Variants in TMEM123 observed in about 807,000 individuals in gnomAD.
TMEM123 encodes transmembrane protein 123, also known as porimin.
A neutral mutation model predicts 19.7 loss-of-function variants in TMEM123; 16 were observed. That is an observed-to-expected ratio of 0.81 (90% CI 0.55 to 1.23). TMEM123 has a LOEUF of 1.23. Ranked by LOEUF, TMEM123 falls within the 50% of genes most tolerant of loss-of-function variation. The pLI is 0.00. For missense variants in TMEM123, 313 were observed against 257.8 expected, an observed-to-expected ratio of 1.21 and a Z score of -1.47; for synonymous variants, 118 against 99.4, an observed-to-expected ratio of 1.19 and a Z score of -1.12.
At position 102,401,999 on chromosome 11, in the gene TMEM123, G is replaced by A. The variant is rs1951917517; in HGVS notation, c.365C>T (p.Ser122Leu). 3 of 1,614,090 alleles carry A rather than the reference G, an allele frequency of 1.9e-6. No homozygotes were observed. Among genetic ancestry groups the A allele is most frequent in the African/African-American group, 1.3e-5 (1 of 74,940 alleles). Residue 122 changes from serine to leucine, a missense_variant, in exon 3 of 5, where the codon TCA becomes TTA. Coordinates refer to ENST00000398136, the MANE Select transcript of TMEM123 (RefSeq NM_052932.3). ...TGTTGATATCTGAGATGTGTTCTGT[G>A]AAACACTTGTTGTTTTGGGTGTAGA... ...LKSTPKTTSV[S>L]QNTSQISTST...
intron 4 of TMEM123, among the ~76,000 whole-genome samples, chr11:102,400,087 C>G (rs1951898246): frequency 1.3e-5 from 2 of 152,124 alleles, no homozygotes; most frequent in African/African-American, 4.8e-5. Context: ...TGTCAGTAAC[C>G]TGAAAATCTG....
At position 102,398,517 on chromosome 11, in the gene TMEM123, A is replaced by AT. The variant is rs554191805; in HGVS notation, c.*349dup. 479 of 422,398 alleles carry AT rather than the reference A, an allele frequency of 1.1e-3. 2 individuals are homozygous for AT. Among genetic ancestry groups the AT allele is most frequent in the African/African-American group, 9.3e-3 (453 of 48,862 alleles). 26.2% of individuals were successfully genotyped at this position (422,398 alleles called of 1,614,324 possible). A position where few individuals can be genotyped will look rare whatever the true frequency, so the allele number is the denominator to read the frequency against. On this transcript the variant is annotated 3_prime_UTR_variant, in exon 5 of 5. Transcript: ENST00000398136. ...GTGCTGTGACAAACTTCTTATTTGT[A>AT]TGCCCAGATGGCATTCTGTCTTTCA...
intron 2 of TMEM123, among the ~76,000 whole-genome samples, chr11:102,426,893 C>G (rs1325233423): frequency 1.7e-5 from 2 of 114,864 alleles, no homozygotes; most frequent in Non-Finnish European, 3.3e-5. Flanking sequence ...TCAAAATCCA[C>G]AACTGGCTAT....
intron 2 of TMEM123, among the ~76,000 whole-genome samples, chr11:102,414,839 C>T (rs1207867092): frequency 6.6e-6 from 1 of 152,158 alleles, no homozygotes; most frequent in Non-Finnish European, 1.5e-5. Context: ...ATCACATCCA[C>T]ACATATCAAT....
chr11:102,445,121 G>A (rs183150211), intron 2 of TMEM123, among the ~76,000 whole-genome samples: 9 of 152,242 alleles, frequency 5.9e-5, no homozygotes, highest in Non-Finnish European at 1.3e-4. Flanking sequence ...GTATACATAC[G>A]TAACAAATCT....
chr11:102,444,352 A>T (rs996350596), intron 2 of TMEM123, among the ~76,000 whole-genome samples: 3 of 152,176 alleles, frequency 2.0e-5, no homozygotes, highest in African/African-American at 7.2e-5. Flanking sequence ...ACATCATGGA[A>T]TACTATGCAG....
intron 4 of TMEM123, among the ~76,000 whole-genome samples, chr11:102,401,185 C>A (rs1288798829): frequency 6.6e-6 from 1 of 152,100 alleles, no homozygotes; most frequent in African/African-American, 2.4e-5. Context: ...TTTAGTACCA[C>A]AACAGACACA....
At chr11:102,399,851 T>G (rs1951895260) in intron 4 of TMEM123, among the ~76,000 whole-genome samples, 1 of 151,944 alleles carries the variant, frequency 6.6e-6, no homozygotes, top group Non-Finnish European at 1.5e-5. Context: ...GCACCTATAA[T>G]CCCAGCTACT....
At chr11:102,441,092 A>G (rs1248408631) in intron 2 of TMEM123, among the ~76,000 whole-genome samples, 1 of 152,154 alleles carries the variant, frequency 6.6e-6, no homozygotes, top group African/African-American at 2.4e-5. Context: ...CACAATAATA[A>G]TGGGAGACTT....
rs540718636 is a variant in TMEM123 at position 102,432,116 on chromosome 11, G to A, written c.157+16696C>T. 3.3e-5 allele frequency among the ~76,000 whole-genome samples: 5 copies of A among 152,288 alleles called. No homozygotes were observed. The South Asian group carries it at 1.0e-3, about 32-fold the overall frequency. On this transcript the variant is annotated intron_variant, in intron 2 of 4. Coordinates refer to ENST00000398136, the MANE Select transcript of TMEM123 (RefSeq NM_052932.3). ...TACTGGGAGTGGGGTGCTACTCTAA[G>A]GATAGCTGAAAATGTGGAAGCGACT...
chr11:102,406,141 G>A lies in TMEM123; in HGVS notation c.158-3935C>T, dbSNP rs570751274. ...AGAATGGACCATCCCTGTGGGACTT[G>A]CAAGGGGTGAAGCTTTATCTAAGTC... On this transcript the variant is annotated intron_variant, in intron 2 of 4. Transcript: ENST00000398136. Among the ~76,000 whole-genome samples, 164 of 152,138 alleles carry A rather than the reference G, an allele frequency of 1.1e-3. 1 individual carries two copies. The highest frequency in any genetic ancestry group is 2.0e-3 in the Non-Finnish European group (136 of 68,032).
rs932492798 is a variant in TMEM123, at chr11:102,412,244, C to T, written c.158-10038G>A. On this transcript the variant is annotated intron_variant, in intron 2 of 4. Transcript: ENST00000398136. ...TCAAGAGTTCAAGACCAGCCTGACC[C>T]AACATGGTGAAACCCTGTCTCTACT... Among the ~76,000 whole-genome samples, 21 of 152,116 alleles carry T rather than the reference C, an allele frequency of 1.4e-4. 1 individual carries two copies. The highest frequency in any genetic ancestry group is 5.1e-4 in the African/African-American group (21 of 41,424).
intron 2 of TMEM123, among the ~76,000 whole-genome samples, chr11:102,444,605 G>T (rs1356517859): frequency 6.6e-6 from 1 of 151,954 alleles, no homozygotes; most frequent in Non-Finnish European, 1.5e-5. Context: ...GAGTTGACGG[G>T]TGCAGCACAC....
intron 2 of TMEM123, among the ~76,000 whole-genome samples, chr11:102,434,774 G>A (rs1389878721): frequency 6.6e-6 from 1 of 151,812 alleles, no homozygotes; most frequent in Non-Finnish European, 1.5e-5. Flanking sequence ...CATGTGGTCT[G>A]ATATCAGGGT....
chr11:102,396,368 C>T lies in TMEM123; in HGVS notation c.*2499G>A, dbSNP rs1230483762. 2.6e-5 allele frequency: 4 copies of T among 152,066 alleles called. No homozygotes were observed. The highest frequency in any genetic ancestry group is 6.5e-5 in the Admixed American group (1 of 15,270). 9.4% of individuals were successfully genotyped at this position (152,066 alleles called of 1,614,324 possible). A position where few individuals can be genotyped will look rare whatever the true frequency, so the allele number is the denominator to read the frequency against. ...GAACAATTTTATTCTAAAAATAGAA[C>T]TTGGTAACAATGAAATACCAAAAGC... On this transcript the variant is annotated 3_prime_UTR_variant, in exon 5 of 5. Transcript: ENST00000398136.
At chr11:102,439,320 A>G (rs890945660) in intron 2 of TMEM123, among the ~76,000 whole-genome samples, 13 of 152,056 alleles carry the variant, frequency 8.5e-5, no homozygotes, top group Middle Eastern at 3.4e-3. Flanking sequence ...ACCCCCGAGA[A>G]GCCTAACTGG....
Position 102,402,214 on chromosome 11 carries a change from A to G in TMEM123, c.158-8T>C, listed in dbSNP as rs745847105. On this transcript the variant is annotated splice_region_variant and splice_polypyrimidine_tract_variant and intron_variant, in intron 2 of 4. Coordinates refer to ENST00000398136, the MANE Select transcript of TMEM123 (RefSeq NM_052932.3). ...GCACATGTTGGAGAGTCTCTGCAATAATATCAAGAAACATTAAAACCAGAG... is the reference window on the plus strand; with the variant it reads ...GCACATGTTGGAGAGTCTCTGCAATGATATCAAGAAACATTAAAACCAGAG... 2 of 1,609,918 alleles carry G rather than the reference A, an allele frequency of 1.2e-6. No individual in the cohort carries two copies. The highest frequency in any genetic ancestry group is 1.7e-6 in the Non-Finnish European group (2 of 1,177,326).
Position 102,402,047 on chromosome 11 carries a change from T to C in TMEM123, c.317A>G (p.Asn106Ser). ...AGACTTTAAGGTGGTAGAAGTCATA[T>C]TTGTTGAGACCATCCCTGGTGTTGT... ...NTTTPGMVST[N>S]MTSTTLKSTP... is the part of the protein sequence containing the mutation. The change falls in exon 3 of 5, where the codon AAT (asparagine) becomes AGT (serine). Residue 106 changes from asparagine to serine, a missense_variant. By Grantham distance (46) the Asn-to-Ser change is conservative. Transcript: ENST00000398136. 6.2e-7 allele frequency: 1 copy of C among 1,613,982 alleles called. No homozygotes were observed. Among genetic ancestry groups the C allele is most frequent in the Non-Finnish European group, 8.5e-7 (1 of 1,179,976 alleles).
chr11:102,415,639 C>T (rs1490584502), intron 2 of TMEM123, among the ~76,000 whole-genome samples: 3 of 152,092 alleles, frequency 2.0e-5, no homozygotes, highest in Non-Finnish European at 2.9e-5. Context: ...AAAACAAAGC[C>T]ACAACATATC....
Sources: allele counts gnomAD v4.1 joint callset (sites outside exome capture counted in the v4.1 genomes callset), GRCh38; gene constraint gnomAD v4.1.1; transcripts MANE v1.5; gene names NCBI Gene and HGNC (gene_info 2026-07-23, HGNC 2026-07-21).